Variants in LRP6 observed in about 807,000 individuals in gnomAD.
LRP6 encodes the protein low-density lipoprotein receptor-related protein 6.
LRP6 carries 43 observed loss-of-function variants against 184.1 expected under a neutral mutation model. The observed-to-expected ratio is 0.23, with a 90% CI of 0.18 to 0.30. The LOEUF (loss-of-function observed/expected upper bound fraction) is 0.30, where lower values mean the gene tolerates loss of function less well. Among genes scored for constraint, LRP6 ranks in the 10% least tolerant of loss-of-function variants. LRP6 has a pLI of 1.00. For synonymous variants in LRP6, 719 were observed against 684.9 expected (o/e 1.05, Z -0.78); for missense variants, 1,571 against 2,005.3 (o/e 0.78, Z 4.14).
intron 12 of LRP6, among the ~76,000 whole-genome samples, chr12:12,151,571 G>A (rs1296655612): frequency 7.9e-5 from 12 of 151,916 alleles, no homozygotes; most frequent in East Asian, 5.8e-4. Flanking sequence ...TTTACTCAGC[G>A]GTAAAATAAA....
intron 14 of LRP6, among the ~76,000 whole-genome samples, chr12:12,148,525 T>A (rs1950040171): frequency 6.6e-6 from 1 of 152,106 alleles, no homozygotes; most frequent in Non-Finnish European, 1.5e-5. Flanking sequence ...TGATGTCTAG[T>A]GGTAAATACA....
chr12:12,152,252 C>T (rs1294612282), intron 12 of LRP6, among the ~76,000 whole-genome samples: 3 of 152,158 alleles, frequency 2.0e-5, no homozygotes, highest in South Asian at 2.1e-4. Context: ...ATTCTGAGGC[C>T]TCCCCAGCCA....
chr12:12,244,182 T>C lies in LRP6; in HGVS notation c.449+80A>G, dbSNP rs754932301. The C allele has an allele frequency of 1.7e-5, 24 of 1,383,744 alleles. No individual in the cohort carries two copies. The East Asian group carries it at 2.8e-4, about 16-fold the overall frequency. The allele number at this position is 1,383,744 out of a possible 1,614,324, so 85.7% of individuals were successfully genotyped here. On this transcript the variant is annotated intron_variant, in intron 2 of 22. Transcript: ENST00000261349. ...CCTGTTTTCGATCTTTCTTTTCTCA[T>C]AGGGGTCAGGGTGGTGTATGTCAGT...
At chr12:12,226,246 T>A (rs1364799559) in intron 2 of LRP6, among the ~76,000 whole-genome samples, 1 of 152,102 alleles carries the variant, frequency 6.6e-6, no homozygotes, top group African/African-American at 2.4e-5. Flanking sequence ...GGCCTATATA[T>A]CACAATTCCT....
chr12:12,196,199 T>A (rs537349664), intron 3 of LRP6, among the ~76,000 whole-genome samples: 166 of 146,706 alleles, frequency 1.1e-3, no homozygotes, highest in African/African-American at 4.1e-3. Context: ...ATACAAATTT[T>A]AGGATTTTTT....
chr12:12,120,948 T>C lies in LRP6; in HGVS notation c.*178A>G, dbSNP rs1469319377. ...GCAAATCTGCTGTTTTAAGAAAATA[T>C]ATAAATATCCTTTTCTTCTGTACAA... is the stretch of plus-strand genomic sequence containing the variant. On this transcript the variant is annotated 3_prime_UTR_variant, in exon 23 of 23. Transcript: ENST00000261349. The C allele has an allele frequency of 2.0e-6, 1 of 501,418 alleles. No homozygotes were observed. The highest frequency in any genetic ancestry group is 3.4e-6 in the Non-Finnish European group (1 of 297,122). 31.1% of individuals were successfully genotyped at this position (501,418 alleles called of 1,614,324 possible).
chr12:12,123,111 C>T (rs1285745151), intron 22 of LRP6, among the ~76,000 whole-genome samples: 1 of 150,566 alleles, frequency 6.6e-6, no homozygotes, highest in East Asian at 1.9e-4. Context: ...AAAATCTCAA[C>T]AAATGATGTA....
chr12:12,183,503 T>C lies in LRP6; in HGVS notation c.976+477A>G, dbSNP rs575920707. Among the ~76,000 whole-genome samples the C allele has an allele frequency of 1.5e-3, 221 of 152,314 alleles. 1 individual carries two copies. Among genetic ancestry groups the C allele is most frequent in the African/African-American group, 5.1e-3 (211 of 41,584 alleles). ...AGTTGTTTTAAATATGGATTTTTTTTCCCAGCTCTGAAAGCATCTCTCTGT... is the reference window on the plus strand; with the variant it reads ...AGTTGTTTTAAATATGGATTTTTTTCCCCAGCTCTGAAAGCATCTCTCTGT... On this transcript the variant is annotated intron_variant, in intron 5 of 22. Coordinates refer to ENST00000261349, the MANE Select transcript of LRP6 (RefSeq NM_002336.3).
In LRP6 at chr12:12,159,975, A is replaced by G. The variant is rs1484337338; in HGVS notation, c.2280-11T>C. On this transcript the variant is annotated splice_polypyrimidine_tract_variant and intron_variant, in intron 10 of 22. Transcript: ENST00000261349. Reference sequence around the variant, plus strand: ...GTCCAATACATAAATCTAAATTCAAAATAATAAATATTTAACATTTCAATT... The same window carrying G: ...GTCCAATACATAAATCTAAATTCAAGATAATAAATATTTAACATTTCAATT... The G allele has an allele frequency of 6.3e-7, 1 of 1,578,328 alleles. No homozygotes were observed. The highest frequency in any genetic ancestry group is 8.7e-7 in the Non-Finnish European group (1 of 1,155,544).
chr12:12,236,928 G>A (rs982215827), intron 2 of LRP6, among the ~76,000 whole-genome samples: 1 of 151,582 alleles, frequency 6.6e-6, no homozygotes, highest in African/African-American at 2.4e-5. Context: ...TTTTTTTGAG[G>A]CTTTTTATAT....
In LRP6 at chr12:12,181,448, A is replaced by T; in HGVS notation, c.977-9T>A. 1 of 1,073,532 alleles carries T rather than the reference A, an allele frequency of 9.3e-7. No individual in the cohort carries two copies. Among genetic ancestry groups the T allele is most frequent in the Non-Finnish European group, 1.4e-6 (1 of 691,088 alleles). 66.5% of individuals were successfully genotyped at this position (1,073,532 alleles called of 1,614,324 possible). A position where few individuals can be genotyped will look rare whatever the true frequency, so the allele number is the denominator to read the frequency against. On this transcript the variant is annotated splice_polypyrimidine_tract_variant and intron_variant, in intron 5 of 22. Transcript: ENST00000261349. ...CAATAATTCTGTGGCACCTAGAACA[A>T]CAAAGTGAAATGAAGAATACTTTGA...
rs554126187 is a variant in LRP6 at position 12,159,781 on chromosome 12, A to G, written c.2463T>C (p.Leu821=). ...DTNLIESSNM[L]GLNREVIADD... ...TGAGTAAAAAGTAGTAAAGCTTACC[A>G]AGCATATTTGAAGATTCTATTAAGT... The change falls in exon 11 of 23, where the codon CTT becomes CTC. Residue 821 remains leucine, a splice_region_variant and synonymous_variant. Transcript: ENST00000261349. 91 of 1,614,034 alleles carry G rather than the reference A, an allele frequency of 5.6e-5. No individual in the cohort carries two copies. The South Asian group carries it at 9.7e-4, about 17-fold the overall frequency.
At chr12:12,151,134 A>C in intron 12 of LRP6, 96 bp from the exon 13 acceptor site, 2 of 1,106,382 alleles carry the variant, frequency 1.8e-6, no homozygotes, top group Non-Finnish European at 2.7e-6. Context: ...TTTCATACAA[A>C]ACAGACATAG....
rs1949522860 is a variant in LRP6 at position 12,116,639 on chromosome 12, G to A, written c.*4487C>T. On this transcript the variant is annotated 3_prime_UTR_variant, in exon 23 of 23. Coordinates refer to ENST00000261349, the MANE Select transcript of LRP6 (RefSeq NM_002336.3). ...TCTGTAATTCTCTGGTGTTGCTTCT[G>A]GGCAAACCCTAAGTGATGGTGGAGA... 1 of 152,124 alleles carries A rather than the reference G, an allele frequency of 6.6e-6. No individual in the cohort carries two copies. The allele number at this position is 152,124 out of a possible 1,614,324, so 9.4% of individuals were successfully genotyped here.
chr12:12,134,316 T>TCACAC (rs147865226), intron 17 of LRP6, among the ~76,000 whole-genome samples: 11,391 of 152,264 alleles, frequency 0.075, 506 homozygotes, highest in Admixed American at 0.11. Flanking sequence ...TTAATAATTT[T>TCACAC]CACACCATTA....
intron 1 of LRP6, among the ~76,000 whole-genome samples, chr12:12,254,466 TAACTCAC>T (rs1865412379): frequency 6.6e-6 from 1 of 152,194 alleles, no homozygotes; most frequent in Non-Finnish European, 1.5e-5. Context: ...AAGCTATCTA[TAACTCAC>T]AACAATTTAA....
At chr12:12,256,547 C>A (rs960179241) in intron 1 of LRP6, among the ~76,000 whole-genome samples, 3 of 152,050 alleles carry the variant, frequency 2.0e-5, no homozygotes, top group African/African-American at 7.2e-5. Flanking sequence ...GTGGCTCATG[C>A]CTGTAATCCC....
chr12:12,135,306 A>C lies in LRP6; in HGVS notation c.3608-6T>G. The C allele has an allele frequency of 6.2e-7, 1 of 1,611,690 alleles. No homozygotes were observed. Among genetic ancestry groups the C allele is most frequent in the African/African-American group, 1.3e-5 (1 of 74,866 alleles). On this transcript the variant is annotated splice_region_variant and splice_polypyrimidine_tract_variant and intron_variant, in intron 16 of 22. Coordinates refer to ENST00000261349, the MANE Select transcript of LRP6 (RefSeq NM_002336.3). Reference sequence around the variant, plus strand: ...CTGAGCACAAGGGTGCTGTCCTGCAAAGAGAAGAGGTGAGGATGGGGAGAG... The same window carrying C: ...CTGAGCACAAGGGTGCTGTCCTGCACAGAGAAGAGGTGAGGATGGGGAGAG...
chr12:12,171,521 CA>C (rs1295835187), intron 7 of LRP6, among the ~76,000 whole-genome samples: 1 of 123,166 alleles, frequency 8.1e-6, no homozygotes. Context: ...AACTCAGTCT[CA>C]AAAAAAAATA....
Sources: gnomAD v4.1 joint callset for allele counts (sites outside exome capture counted in the v4.1 genomes callset) on GRCh38, gnomAD v4.1.1 for gene constraint, MANE v1.5 for transcripts, NCBI Gene and HGNC (gene_info 2026-07-23, HGNC 2026-07-21) for gene names.